The following RBM26 variants were observed in gnomAD, a reference collection of about 807,000 sequenced individuals.
RBM26 encodes RNA-binding protein 26.
Under a neutral mutation model 123.6 loss-of-function variants are expected in RBM26, and 30 were observed. The observed-to-expected ratio is 0.24, with a 90% CI of 0.18 to 0.33. RBM26 has a LOEUF of 0.33. Among genes scored for constraint, RBM26 ranks in the 10% least tolerant of loss-of-function variants. RBM26 has a pLI of 1.00. For missense variants in RBM26, 947 were observed against 1,203.6 expected (o/e 0.79, Z 3.15); for synonymous variants, 400 against 404.4 (o/e 0.99, Z 0.13).
At chr13:79,312,964 C>T (rs1323198445) in exon 5 of RBM26, 1 of 151,556 alleles carries the variant, frequency 6.6e-6, no homozygotes, top group Non-Finnish European at 1.5e-5. Flanking sequence ...GTAAACAAGA[C>T]CAAAAATATT....
At chr13:79,365,213 C>T (rs1054606658) in intron 9 of RBM26, among the ~76,000 whole-genome samples, 11 of 152,236 alleles carry the variant, frequency 7.2e-5, no homozygotes, top group East Asian at 5.8e-4. Flanking sequence ...GAAGCCAAGG[C>T]GGGCGGATCA....
At chr13:79,372,448 T>C (rs1476225375) in intron 3 of RBM26, among the ~76,000 whole-genome samples, 1 of 151,806 alleles carries the variant, frequency 6.6e-6, no homozygotes, top group East Asian at 1.9e-4. Flanking sequence ...ACAAAGTAAA[T>C]TTCTCTACTA....
chr13:79,362,472 T>C (rs1202055983), intron 9 of RBM26, among the ~76,000 whole-genome samples: 1 of 152,144 alleles, frequency 6.6e-6, no homozygotes, highest in Non-Finnish European at 1.5e-5. Flanking sequence ...GTCACAAAAT[T>C]CCTTCAGTTT....
At chr13:79,372,689 A>T (rs1456606371) in intron 3 of RBM26, among the ~76,000 whole-genome samples, 1 of 145,278 alleles carries the variant, frequency 6.9e-6, no homozygotes, top group Non-Finnish European at 1.5e-5. Context: ...ACACAAACAT[A>T]TACATGTTTA....
intron 14 of RBM26, among the ~76,000 whole-genome samples, chr13:79,347,572 TCTC>T: frequency 6.6e-6 from 1 of 152,148 alleles, no homozygotes; most frequent in East Asian, 1.9e-4. Flanking sequence ...GACAGTGACT[TCTC>T]CAAACAACCA....
intron 3 of RBM26, among the ~76,000 whole-genome samples, chr13:79,372,763 T>A (rs2140080301): frequency 1.0e-5 from 1 of 100,122 alleles, no homozygotes; most frequent in East Asian, 2.3e-4. Flanking sequence ...TTATTATATA[T>A]TTTATATTAT....
Position 79,334,341 on chromosome 13 carries a change from T to C in RBM26, c.2820+3A>G. The C allele has an allele frequency of 2.0e-6, 3 of 1,481,212 alleles. No individual in the cohort carries two copies. The highest frequency in any genetic ancestry group is 2.8e-6 in the Non-Finnish European group (3 of 1,090,556). The allele number at this position is 1,481,212 out of a possible 1,614,324, so 91.8% of individuals were successfully genotyped here. On this transcript the variant is annotated splice_donor_region_variant and intron_variant, in intron 20 of 21. Coordinates refer to ENST00000438737, the MANE Select transcript of RBM26 (RefSeq NM_001366735.2). ...GAATTGATAAATTATTTTTAAAACT[T>C]ACTGCTTCAGCTTCTGCTCTTGTCT...
At chr13:79,383,308 T>C (rs954528401) in intron 1 of RBM26, among the ~76,000 whole-genome samples, 14 of 152,130 alleles carry the variant, frequency 9.2e-5, no homozygotes, top group African/African-American at 3.1e-4. Context: ...AATAACACAT[T>C]AGTCTGTTCA....
downstream of RBM26, among the ~76,000 whole-genome samples, chr13:79,318,619 T>C (rs1318173469): frequency 2.0e-5 from 3 of 151,474 alleles, no homozygotes; most frequent in South Asian, 2.1e-4. Context: ...CAAAGCAACA[T>C]GGCTTAAAAC....
intron 1 of RBM26, among the ~76,000 whole-genome samples, chr13:79,379,644 T>A: frequency 6.8e-6 from 1 of 148,094 alleles, no homozygotes; most frequent in African/African-American, 2.5e-5. Flanking sequence ...AACCCTGGAG[T>A]AAGGAAGACA....
rs145911311 is a variant in RBM26 at position 79,366,727 on chromosome 13, G to A, written c.1041C>T (p.Pro347=). 2.0e-5 allele frequency: 32 copies of A among 1,612,786 alleles called. No individual in the cohort carries two copies. Among genetic ancestry groups the A allele is most frequent in the African/African-American group, 4.0e-5 (3 of 74,748 alleles). Reference sequence around the variant, plus strand: ...GGGGTGTAAGAATTGGTGGAGGTGGGGGGAGTCCAGGAGGAGGTGGTCCTT... The same window carrying A: ...GGGGTGTAAGAATTGGTGGAGGTGGAGGGAGTCCAGGAGGAGGTGGTCCTT... ...VVEGPPPPGL[P]PPPPILTPPP... Residue 347 remains proline (P), a synonymous_variant, in exon 7 of 22, where the codon CCC becomes CCT. Coordinates refer to ENST00000438737, the MANE Select transcript of RBM26 (RefSeq NM_001366735.2).
At chr13:79,400,953 A>C (rs543292798) in intron 1 of RBM26, among the ~76,000 whole-genome samples, 14 of 152,326 alleles carry the variant, frequency 9.2e-5, no homozygotes, top group Middle Eastern at 3.4e-3. Flanking sequence ...AGCGACAGGA[A>C]CAGAAAGCTA....
At chr13:79,361,279 T>TG (rs769692228) in intron 9 of RBM26, among the ~76,000 whole-genome samples, 3 of 152,144 alleles carry the variant, frequency 2.0e-5, no homozygotes, top group Non-Finnish European at 4.4e-5. Context: ...TCTAGACTCC[T>TG]GCTGCTTTCC....
chr13:79,369,457 T>C (rs1283101014), intron 5 of RBM26, among the ~76,000 whole-genome samples: 1 of 152,248 alleles, frequency 6.6e-6, no homozygotes, highest in African/African-American at 2.4e-5. Context: ...TTAACTAGAC[T>C]ATACATATGG....
intron 1 of RBM26, among the ~76,000 whole-genome samples, chr13:79,383,371 T>C (rs2077221830): frequency 6.6e-6 from 1 of 152,204 alleles, no homozygotes; most frequent in South Asian, 2.1e-4. Flanking sequence ...AAAATTACAC[T>C]GTAGATAAAA....
At chr13:79,390,391 A>G (rs566413189) in intron 1 of RBM26, among the ~76,000 whole-genome samples, 3 of 152,300 alleles carry the variant, frequency 2.0e-5, no homozygotes, top group Admixed American at 6.5e-5. Flanking sequence ...ACAACAGGTA[A>G]TACTAATATA....
At chr13:79,392,139 AAT>A (rs1594698716) in intron 1 of RBM26, among the ~76,000 whole-genome samples, 1 of 57,714 alleles carries the variant, frequency 1.7e-5, no homozygotes, top group East Asian at 3.7e-4. Context: ...ATTATACAAT[AAT>A]ACATAATTAT....
At chr13:79,341,099 C>T in intron 18 of RBM26, 24 bp downstream of exon 18, 1 of 1,359,724 alleles carries the variant, frequency 7.4e-7, no homozygotes, top group Non-Finnish European at 1.0e-6. Flanking sequence ...TTTAAGCCTA[C>T]TGTGTAGTTG....
intron 1 of RBM26, among the ~76,000 whole-genome samples, chr13:79,400,322 G>A (rs2078955355): frequency 6.6e-6 from 1 of 152,142 alleles, no homozygotes; most frequent in South Asian, 2.1e-4. Flanking sequence ...CAAGGTACTG[G>A]CAGGTTTGGC....
Sources: gnomAD v4.1 joint callset for allele counts (sites outside exome capture counted in the v4.1 genomes callset) on GRCh38, gnomAD v4.1.1 for gene constraint, MANE v1.5 for transcripts, NCBI Gene and HGNC (gene_info 2026-07-23, HGNC 2026-07-21) for gene names.